The following CHST11 variants were observed in gnomAD, a reference collection of about 807,000 sequenced individuals.
CHST11 encodes carbohydrate sulfotransferase 11, also known as C4S-1.
Under a neutral mutation model 30.4 loss-of-function variants are expected in CHST11, and 9 were observed. The ratio of observed to expected loss-of-function variants is 0.30; its 90% CI spans 0.18 to 0.52. CHST11 has a LOEUF of 0.52. CHST11 is among the 20% of genes least tolerant of loss of function. The probability of loss-of-function intolerance (pLI) is 0.97; values close to 1 mark genes in which losing one functional copy is unlikely to be tolerated. For synonymous variants in CHST11, 152 were observed against 187.8 expected, an observed-to-expected ratio of 0.81 and a Z score of 1.56; for missense variants, 348 against 460.6, an observed-to-expected ratio of 0.76 and a Z score of 2.24.
intron 1 of CHST11, among the ~76,000 whole-genome samples, chr12:104,466,813 G>A (rs1053919135): frequency 3.9e-5 from 6 of 152,122 alleles, no homozygotes; most frequent in African/African-American, 1.4e-4. Flanking sequence ...TCTAGGATAG[G>A]ATCCTTTCTG....
chr12:104,737,996 G>A (rs1592866896), intron 2 of CHST11, among the ~76,000 whole-genome samples: 1 of 151,820 alleles, frequency 6.6e-6, no homozygotes, highest in South Asian at 2.1e-4. Context: ...CCCAGGCCCC[G>A]ATCCTACTTG....
At chr12:104,744,797 G>A (rs1270342977) in intron 2 of CHST11, among the ~76,000 whole-genome samples, 1 of 152,102 alleles carries the variant, frequency 6.6e-6, no homozygotes, top group Admixed American at 6.5e-5. Context: ...GTAAGGAAGG[G>A]ATTCAGTTTT....
At position 104,757,581 on chromosome 12, in the gene CHST11, C is replaced by T. The variant is rs779695030; in HGVS notation, c.837C>T (p.Tyr279=). The change falls in exon 3 of 3, where the codon TAC becomes TAT. Residue 279 remains tyrosine, a synonymous_variant. Coordinates refer to ENST00000303694, the MANE Select transcript of CHST11 (RefSeq NM_018413.6). The surrounding 1 kb of genome is among the most constrained non-coding windows in gnomAD (Gnocchi z 6.5). ...CHIHYDLVGK[Y]ETLEEDSNYV... is the part of the protein sequence containing the mutation. ...TCCACTATGACCTCGTGGGCAAGTA[C>T]GAGACACTGGAAGAGGATTCTAATT... 4.3e-6 allele frequency: 7 copies of T among 1,614,168 alleles called. No individual in the cohort carries two copies. Among genetic ancestry groups the T allele is most frequent in the Non-Finnish European group, 5.1e-6 (6 of 1,180,040 alleles).
intron 1 of CHST11, among the ~76,000 whole-genome samples, chr12:104,507,840 C>G (rs1470439265): frequency 6.6e-6 from 1 of 152,162 alleles, no homozygotes; most frequent in Non-Finnish European, 1.5e-5. Context: ...CTCACCCGCC[C>G]CCCACCATGT....
intron 1 of CHST11, among the ~76,000 whole-genome samples, chr12:104,575,384 A>T (rs538967270): frequency 2.0e-5 from 3 of 152,074 alleles, no homozygotes; most frequent in Non-Finnish European, 4.4e-5. Flanking sequence ...CCATTAAGGG[A>T]TGCAGGAGGA....
At chr12:104,556,688 C>A (rs2038458756) in intron 1 of CHST11, among the ~76,000 whole-genome samples, 1 of 152,138 alleles carries the variant, frequency 6.6e-6, no homozygotes, top group South Asian at 2.1e-4. Flanking sequence ...ATTCAGATTT[C>A]CCTCTTCTTG....
intron 2 of CHST11, among the ~76,000 whole-genome samples, chr12:104,715,863 C>A (rs1214306108): frequency 2.6e-5 from 4 of 152,202 alleles, no homozygotes; most frequent in African/African-American, 7.2e-5. Context: ...GTGTGTCGCG[C>A]CTTTCTCTCG....
rs766283551 is a variant in CHST11, at chr12:104,729,060, T to G, written c.205-27889T>G. ...GGTTAATGGGAATTTAGGGGAATTTTATTTTCGTGTTATTGTTTTCCTCTA... is the reference window on the plus strand; with the variant it reads ...GGTTAATGGGAATTTAGGGGAATTTGATTTTCGTGTTATTGTTTTCCTCTA... On this transcript the variant is annotated intron_variant, in intron 2 of 2. Coordinates refer to ENST00000303694, the MANE Select transcript of CHST11 (RefSeq NM_018413.6). The surrounding 1 kb of genome is among the most constrained non-coding windows in gnomAD (Gnocchi z 4.0). Among the ~76,000 whole-genome samples, 1 of 152,218 alleles carries G rather than the reference T, an allele frequency of 6.6e-6. No homozygotes were observed. The highest frequency in any genetic ancestry group is 1.5e-5 in the Non-Finnish European group (1 of 68,040).
intron 1 of CHST11, among the ~76,000 whole-genome samples, chr12:104,589,817 G>T (rs963073612): frequency 3.3e-5 from 5 of 152,034 alleles, no homozygotes; most frequent in Admixed American, 3.3e-4. Flanking sequence ...CAAGACCAGC[G>T]TGGTCAACAT....
chr12:104,722,155 AGTGTGTGTGT>A lies in CHST11; in HGVS notation c.205-34769_205-34760del, dbSNP rs57545833. Among the ~76,000 whole-genome samples the A allele has an allele frequency of 7.8e-3, 1,076 of 137,584 alleles. 27 individuals carry two copies. The highest frequency in any genetic ancestry group is 0.067 in the East Asian group (326 of 4,878). The allele number at this position is 137,584 out of a possible 152,430, so 90.3% of individuals were successfully genotyped here. A position where few individuals can be genotyped will look rare whatever the true frequency, so the allele number is the denominator to read the frequency against. On this transcript the variant is annotated intron_variant, in intron 2 of 2. Transcript: ENST00000303694. ...TGGCGCATACTACCACACTCAGCTA[AGTGTGTGTGT>A]GTGTGTGTGTGTGTGTGTGTGTGTA... is the stretch of plus-strand genomic sequence containing the variant.
intron 2 of CHST11, among the ~76,000 whole-genome samples, chr12:104,698,232 T>TCCCAACCTCA: frequency 6.6e-6 from 1 of 152,268 alleles, no homozygotes; most frequent in Admixed American, 6.5e-5. Context: ...ATCAAGGCAT[T>TCCCAACCTCA]TCATCATCCC....
At chr12:104,567,183 GA>G (rs1242898539) in intron 1 of CHST11, among the ~76,000 whole-genome samples, 1 of 152,148 alleles carries the variant, frequency 6.6e-6, no homozygotes, top group Non-Finnish European at 1.5e-5. Flanking sequence ...TGAGCTGCAG[GA>G]ATATTTGGGA....
rs117124009 is a variant in CHST11, at chr12:104,457,349, C to G, written c.-63C>G. ...CGGGCTCCGGTCCGCGCGGCGGGGT[C>G]CCTGCTCCTGCGCCCCGGGCGCGCT... On this transcript the variant is annotated 5_prime_UTR_variant, in exon 1 of 3. Transcript: ENST00000303694. The G allele has an allele frequency of 8.8e-3, 10,781 of 1,232,048 alleles. 315 individuals are homozygous for G. The highest frequency in any genetic ancestry group is 0.057 in the South Asian group (4,668 of 81,550). 76.3% of individuals were successfully genotyped at this position (1,232,048 alleles called of 1,614,324 possible).
At chr12:104,675,914 G>A (rs1197640746) in intron 2 of CHST11, among the ~76,000 whole-genome samples, 1 of 152,090 alleles carries the variant, frequency 6.6e-6, no homozygotes, top group Non-Finnish European at 1.5e-5. Context: ...AGAAGGTGGG[G>A]GCTTACTCAG....
intron 2 of CHST11, among the ~76,000 whole-genome samples, chr12:104,734,061 G>A (rs1195522805): frequency 6.6e-6 from 1 of 152,232 alleles, no homozygotes; most frequent in Non-Finnish European, 1.5e-5. Context: ...CTCCAAAGAA[G>A]GCAGCAGGGC....
chr12:104,490,559 C>T (rs886513754), intron 1 of CHST11, among the ~76,000 whole-genome samples: 1 of 152,218 alleles, frequency 6.6e-6, no homozygotes, highest in South Asian at 2.1e-4. Flanking sequence ...GATCAAGGTA[C>T]AAGCACAATG....
chr12:104,577,933 G>T (rs1290778526), intron 1 of CHST11, among the ~76,000 whole-genome samples: 1 of 152,246 alleles, frequency 6.6e-6, no homozygotes, highest in East Asian at 1.9e-4. Context: ...CAGCACTCAC[G>T]ACCCCTTTAC....
Position 104,729,609 on chromosome 12 carries a change from A to G in CHST11, c.205-27340A>G, listed in dbSNP as rs2136131571. 6.6e-6 allele frequency among the ~76,000 whole-genome samples: 1 copy of G among 152,282 alleles called. No homozygotes were observed. The highest frequency in any genetic ancestry group is 2.1e-4 in the South Asian group (1 of 4,828). ...TGGAAGGATGGCTGTCATAGGTGCC[A>G]TGAGTGACAGAAGCAGCGTAAGGTC... On this transcript the variant is annotated intron_variant, in intron 2 of 2. Transcript: ENST00000303694. The surrounding 1 kb of genome is among the most constrained non-coding windows in gnomAD (Gnocchi z 4.0).
At chr12:104,586,849 C>G (rs2038810291) in intron 1 of CHST11, among the ~76,000 whole-genome samples, 2 of 152,204 alleles carry the variant, frequency 1.3e-5, no homozygotes, top group South Asian at 4.1e-4. Context: ...AGTGCTGTCT[C>G]TCTTGTTTTA....
Sources: gnomAD v4.1 joint callset for allele counts (sites outside exome capture counted in the v4.1 genomes callset) on GRCh38, gnomAD v4.1.1 for gene constraint, Gnocchi (gnomAD v3.1) non-coding constraint, MANE v1.5 for transcripts, NCBI Gene and HGNC (gene_info 2026-07-23, HGNC 2026-07-21) for gene names.